The following MEOX2 variants were observed in gnomAD, a reference collection of about 807,000 sequenced individuals.
MEOX2 encodes the protein homeobox protein MOX-2.
MEOX2 carries 11 observed loss-of-function variants against 27.0 expected under a neutral mutation model. The ratio of observed to expected loss-of-function variants is 0.41; its 90% CI spans 0.26 to 0.68. The LOEUF is 0.68. Among genes scored for constraint, MEOX2 ranks in the 30% least tolerant of loss-of-function variants. The pLI is 0.33. For missense variants in MEOX2, 436 were observed against 385.4 expected (o/e 1.13, Z -1.10); for synonymous variants, 189 against 155.4 (o/e 1.22, Z -1.61).
At chr7:15,629,748 A>C (rs1483869346) in intron 1 of MEOX2, among the ~76,000 whole-genome samples, 2 of 151,928 alleles carry the variant, frequency 1.3e-5, no homozygotes, top group African/African-American at 4.8e-5. Flanking sequence ...TATTTCCTAC[A>C]GTCTTGGTTT....
chr7:15,664,079 G>A (rs1008692194), intron 1 of MEOX2, among the ~76,000 whole-genome samples: 1 of 152,142 alleles, frequency 6.6e-6, no homozygotes, highest in Admixed American at 6.6e-5. Flanking sequence ...CATCATGATT[G>A]TTAAAGCAAA....
intron 2 of MEOX2, among the ~76,000 whole-genome samples, chr7:15,618,684 A>G (rs1177836153): frequency 6.6e-6 from 1 of 151,890 alleles, no homozygotes; most frequent in Non-Finnish European, 1.5e-5. Flanking sequence ...TCTGATTTTT[A>G]TTAATATTAA....
Position 15,630,497 on chromosome 7 carries a change from C to T in MEOX2, c.518-3579G>A, listed in dbSNP as rs546071295. On this transcript the variant is annotated intron_variant, in intron 1 of 2. Transcript: ENST00000262041. ...GCTACTCTGGGTAAACGTATTAGCTCGTTTAAATGAAGAACATAATTTACC... is the reference window on the plus strand; with the variant it reads ...GCTACTCTGGGTAAACGTATTAGCTTGTTTAAATGAAGAACATAATTTACC... Among the ~76,000 whole-genome samples, 123 of 152,030 alleles carry T rather than the reference C, an allele frequency of 8.1e-4. 1 individual carries two copies. The highest frequency in any genetic ancestry group is 3.4e-3 in the Middle Eastern group (1 of 294).
At chr7:15,615,441 A>G (rs1177394380) in intron 2 of MEOX2, among the ~76,000 whole-genome samples, 1 of 151,710 alleles carries the variant, frequency 6.6e-6, no homozygotes, top group Non-Finnish European at 1.5e-5. Context: ...AAAAAAAAGC[A>G]TATAGAGTAT....
intron 1 of MEOX2, among the ~76,000 whole-genome samples, chr7:15,650,082 C>T (rs1781712463): frequency 6.6e-6 from 1 of 152,180 alleles, no homozygotes; most frequent in African/African-American, 2.4e-5. Flanking sequence ...GGAGAGTTCT[C>T]ACCAGTCCAG....
intron 1 of MEOX2, among the ~76,000 whole-genome samples, chr7:15,660,159 G>C (rs1315391970): frequency 6.6e-6 from 1 of 152,094 alleles, no homozygotes; most frequent in Non-Finnish European, 1.5e-5. Context: ...GCAAAAATAA[G>C]GGTATTCCAC....
At chr7:15,650,488 G>C (rs535099625) in intron 1 of MEOX2, among the ~76,000 whole-genome samples, 102 of 151,912 alleles carry the variant, frequency 6.7e-4, no homozygotes, top group African/African-American at 2.2e-3. Context: ...TTTTACCTTT[G>C]TATGTTTCAT....
intron 2 of MEOX2, among the ~76,000 whole-genome samples, chr7:15,624,848 T>A (rs1263714783): frequency 6.6e-6 from 1 of 152,182 alleles, no homozygotes; most frequent in Non-Finnish European, 1.5e-5. Context: ...AAAACAACAT[T>A]AAAATAGTAT....
At chr7:15,616,116 G>A (rs1014727328) in intron 2 of MEOX2, among the ~76,000 whole-genome samples, 3 of 151,616 alleles carry the variant, frequency 2.0e-5, no homozygotes, top group Non-Finnish European at 4.4e-5. Flanking sequence ...GTAGCTACAT[G>A]TATATACATA....
At chr7:15,624,112 A>G (rs994383053) in intron 2 of MEOX2, among the ~76,000 whole-genome samples, 1 of 152,196 alleles carries the variant, frequency 6.6e-6, no homozygotes, top group Non-Finnish European at 1.5e-5. Context: ...TTACTTACTT[A>G]AGAACACACA....
At chr7:15,621,750 C>T (rs1046978703) in intron 2 of MEOX2, among the ~76,000 whole-genome samples, 4 of 152,178 alleles carry the variant, frequency 2.6e-5, no homozygotes, top group African/African-American at 7.2e-5. Flanking sequence ...ACAATTTCCA[C>T]ATGACAATAT....
chr7:15,642,064 G>A (rs1781570537), intron 1 of MEOX2, among the ~76,000 whole-genome samples: 1 of 152,052 alleles, frequency 6.6e-6, no homozygotes, highest in Non-Finnish European at 1.5e-5. Context: ...TGTTGACATT[G>A]GATAGCCTGA....
intron 1 of MEOX2, among the ~76,000 whole-genome samples, chr7:15,644,678 C>T (rs1010416752): frequency 1.3e-5 from 2 of 152,224 alleles, no homozygotes; most frequent in East Asian, 1.9e-4. Flanking sequence ...AATGCAAACC[C>T]GGCCTTGAAA....
At chr7:15,623,429 G>C (rs113748881) in intron 2 of MEOX2, among the ~76,000 whole-genome samples, 5 of 152,090 alleles carry the variant, frequency 3.3e-5, no homozygotes, top group African/African-American at 1.2e-4. Flanking sequence ...GAGTGCAGTG[G>C]TGCAAACTCA....
chr7:15,681,802 C>G (rs1361031195), intron 1 of MEOX2: 1 of 151,694 alleles, frequency 6.6e-6, no homozygotes, highest in Non-Finnish European at 1.5e-5. Context: ...ATACTAAGTT[C>G]TGGATTTCTA....
chr7:15,638,693 T>C (rs556686246), intron 1 of MEOX2, among the ~76,000 whole-genome samples: 2 of 152,060 alleles, frequency 1.3e-5, no homozygotes, highest in Non-Finnish European at 2.9e-5. Flanking sequence ...TGTCCATGTG[T>C]GCCTATCGTT....
chr7:15,640,214 G>C (rs1251698050), intron 1 of MEOX2, among the ~76,000 whole-genome samples: 2 of 151,058 alleles, frequency 1.3e-5, no homozygotes, highest in Non-Finnish European at 3.0e-5. Flanking sequence ...GTCTGTTCTA[G>C]GTTTGTTGTT....
At chr7:15,629,199 T>C (rs1781360841) in intron 1 of MEOX2, among the ~76,000 whole-genome samples, 1 of 152,086 alleles carries the variant, frequency 6.6e-6, no homozygotes, top group East Asian at 1.9e-4. Context: ...AAAGTGATCT[T>C]CTTTAACTTT....
intron 1 of MEOX2, chr7:15,680,149 A>T (rs911510637): frequency 2.0e-5 from 3 of 151,896 alleles, no homozygotes; most frequent in Non-Finnish European, 4.4e-5. Flanking sequence ...TCGATCATAC[A>T]CTTACCATGT....
Sources: allele counts gnomAD v4.1 joint callset (sites outside exome capture counted in the v4.1 genomes callset), GRCh38; gene constraint gnomAD v4.1.1; transcripts MANE v1.5; gene names NCBI Gene and HGNC (gene_info 2026-07-23, HGNC 2026-07-21).